The following SGCZ variants were observed in gnomAD, a reference collection of about 807,000 sequenced individuals.
SGCZ encodes zeta-sarcoglycan.
A neutral mutation model predicts 41.3 loss-of-function variants in SGCZ; 40 were observed. That is an observed-to-expected ratio of 0.97 (90% CI 0.75 to 1.26). SGCZ has a LOEUF of 1.26. Among genes scored for constraint, SGCZ ranks in the 50% most tolerant of loss-of-function variants. The pLI, the probability that SGCZ is intolerant of heterozygous loss-of-function variation, is 0.00. For synonymous variants in SGCZ, 206 were observed against 137.5 expected (o/e 1.50, Z -3.49); for missense variants, 552 against 369.8 (o/e 1.49, Z -4.04).
intron 1 of SGCZ, among the ~76,000 whole-genome samples, chr8:15,008,204 T>A (rs1585466226): frequency 6.6e-6 from 1 of 152,144 alleles, no homozygotes; most frequent in African/African-American, 2.4e-5. Context: ...GCATGTCCTC[T>A]TGGATTTGCT....
At chr8:14,132,760 C>A (rs574117752) in intron 5 of SGCZ, among the ~76,000 whole-genome samples, 1 of 152,192 alleles carries the variant, frequency 6.6e-6, no homozygotes, top group South Asian at 2.1e-4. Context: ...CTTTCTGTTG[C>A]AAACTGGGCA....
intron 1 of SGCZ, among the ~76,000 whole-genome samples, chr8:14,806,419 A>G (rs1048330947): frequency 4.0e-5 from 6 of 151,522 alleles, no homozygotes; most frequent in Non-Finnish European, 8.8e-5. Context: ...ATCCCACAGA[A>G]ATACAAACTA....
chr8:15,014,533 G>C (rs1278350100), intron 1 of SGCZ, among the ~76,000 whole-genome samples: 2 of 152,162 alleles, frequency 1.3e-5, no homozygotes, highest in Admixed American at 6.5e-5. Flanking sequence ...TGTTCTGGTT[G>C]ACCTTAAGCA....
intron 1 of SGCZ, among the ~76,000 whole-genome samples, chr8:14,566,920 A>G (rs13275079): frequency 0.21 from 32,483 of 152,116 alleles, 4,015 homozygotes; most frequent in Non-Finnish European, 0.29. Flanking sequence ...CCACACTCAG[A>G]GCGGCCGGCT....
chr8:14,306,836 A>G (rs1321721888), intron 3 of SGCZ, among the ~76,000 whole-genome samples: 1 of 152,254 alleles, frequency 6.6e-6, no homozygotes, highest in Non-Finnish European at 1.5e-5. Context: ...TGCAAAAGTA[A>G]AAGAAAAATA....
At chr8:15,138,325 G>A (rs1808191747) in intron 1 of SGCZ, among the ~76,000 whole-genome samples, 1 of 152,124 alleles carries the variant, frequency 6.6e-6, no homozygotes, top group African/African-American at 2.4e-5. Context: ...AGACTTTGGA[G>A]TTGGGCTTTT....
At chr8:14,638,817 T>C (rs1806921271) in intron 1 of SGCZ, among the ~76,000 whole-genome samples, 1 of 151,796 alleles carries the variant, frequency 6.6e-6, no homozygotes, top group Non-Finnish European at 1.5e-5. Context: ...TTTATGAGGA[T>C]AAGGATTTTT....
At chr8:14,757,498 C>T (rs1455694116) in intron 1 of SGCZ, among the ~76,000 whole-genome samples, 1 of 152,144 alleles carries the variant, frequency 6.6e-6, no homozygotes, top group African/African-American at 2.4e-5. Flanking sequence ...CCTAAGAGTT[C>T]AGAGAATAGA....
intron 1 of SGCZ, among the ~76,000 whole-genome samples, chr8:14,866,084 G>A (rs994840382): frequency 1.3e-4 from 20 of 152,120 alleles, no homozygotes; most frequent in Non-Finnish European, 2.8e-4. Context: ...GCCTTACAAT[G>A]TAAAGCAGAA....
At chr8:14,158,834 T>C (rs12542572) in intron 5 of SGCZ, among the ~76,000 whole-genome samples, 51,172 of 151,950 alleles carry the variant, frequency 0.34, 8,831 homozygotes, top group Middle Eastern at 0.47. Flanking sequence ...AGTGTCAGGA[T>C]CTTGGCTCAC....
At chr8:14,766,661 A>G (rs1800044433) in intron 1 of SGCZ, among the ~76,000 whole-genome samples, 1 of 151,554 alleles carries the variant, frequency 6.6e-6, no homozygotes, top group African/African-American at 2.4e-5. Context: ...TCCCAGGCTC[A>G]AGCGATTCTT....
chr8:14,639,770 A>C (rs1489595333), intron 1 of SGCZ, among the ~76,000 whole-genome samples: 1 of 151,690 alleles, frequency 6.6e-6, no homozygotes, highest in Admixed American at 6.6e-5. Flanking sequence ...GATGATTCTC[A>C]TGTGAGAGAC....
chr8:14,939,624 A>G (rs1236110357), intron 1 of SGCZ, among the ~76,000 whole-genome samples: 1 of 152,210 alleles, frequency 6.6e-6, no homozygotes, highest in Non-Finnish European at 1.5e-5. Context: ...TCATCTCAGA[A>G]TACTGGACAA....
At chr8:15,142,900 G>A (rs909526088) in intron 1 of SGCZ, among the ~76,000 whole-genome samples, 6 of 152,026 alleles carry the variant, frequency 3.9e-5, no homozygotes, top group African/African-American at 7.2e-5. Context: ...CTGAGCCACC[G>A]TGCCCAGCCA....
intron 3 of SGCZ, among the ~76,000 whole-genome samples, chr8:14,246,043 T>G (rs1799075533): frequency 6.6e-6 from 1 of 152,170 alleles, no homozygotes. Context: ...GTGTGGCGAT[T>G]CCTCAGGGAT....
At chr8:14,546,546 C>T (rs1374881033) in intron 2 of SGCZ, among the ~76,000 whole-genome samples, 1 of 152,130 alleles carries the variant, frequency 6.6e-6, no homozygotes, top group Non-Finnish European at 1.5e-5. Context: ...CTCTGCTAAA[C>T]TCATAAATGT....
chr8:14,373,592 A>G (rs1803991389), intron 2 of SGCZ, among the ~76,000 whole-genome samples: 1 of 150,180 alleles, frequency 6.7e-6, no homozygotes, highest in Non-Finnish European at 1.5e-5. Context: ...ATAGTACCCT[A>G]AAAAACAAAA....
At chr8:14,682,669 T>C (rs924226775) in intron 1 of SGCZ, among the ~76,000 whole-genome samples, 13 of 152,186 alleles carry the variant, frequency 8.5e-5, no homozygotes, top group South Asian at 2.1e-4. Context: ...CTCCTGACCT[T>C]GTGATCGGCC....
intron 1 of SGCZ, among the ~76,000 whole-genome samples, chr8:15,123,840 G>C (rs1184640137): frequency 6.6e-6 from 1 of 152,200 alleles, no homozygotes. Flanking sequence ...GTCAGACAAG[G>C]CTTTCCGGAA....
Sources: gnomAD v4.1 joint callset for allele counts (sites outside exome capture counted in the v4.1 genomes callset) on GRCh38, gnomAD v4.1.1 for gene constraint, MANE v1.5 for transcripts, NCBI Gene and HGNC (gene_info 2026-07-23, HGNC 2026-07-21) for gene names.